The following SPRYD3 variants were observed in gnomAD, a reference collection of about 807,000 sequenced individuals.
The protein encoded by SPRYD3 is SPRY domain containing 3, also known as SPRY domain-containing protein 3.
In SPRYD3, 17 loss-of-function variants were observed where a neutral mutation model predicts 50.1. That is an observed-to-expected ratio of 0.34 (90% CI 0.23 to 0.51). The LOEUF (loss-of-function observed/expected upper bound fraction) is 0.51, where lower values mean the gene tolerates loss of function less well. Among genes scored for constraint, SPRYD3 ranks in the 20% least tolerant of loss-of-function variants. The pLI, the probability that SPRYD3 is intolerant of heterozygous loss-of-function variation, is 0.97. For missense variants in SPRYD3, 401 were observed against 591.2 expected (o/e 0.68, Z 3.34); for synonymous variants, 198 against 215.5 (o/e 0.92, Z 0.71).
In SPRYD3 at chr12:53,074,885, C is replaced by G. The variant is rs890505116; in HGVS notation, c.372-101G>C. The G allele has an allele frequency of 2.0e-6, 3 of 1,488,608 alleles. No individual in the cohort carries two copies. The African/African-American group carries it at 4.1e-5, about 21-fold the overall frequency. 92.2% of individuals were successfully genotyped at this position (1,488,608 alleles called of 1,614,324 possible). A position where few individuals can be genotyped will look rare whatever the true frequency, so the allele number is the denominator to read the frequency against. On this transcript the variant is annotated intron_variant, in intron 4 of 10. Coordinates refer to ENST00000301463, the MANE Select transcript of SPRYD3 (RefSeq NM_032840.3). This position sits in a 1 kb window ranked among gnomAD's most constrained non-coding sequence, Gnocchi z 4.6. The stretch of plus-strand genomic sequence containing the variant: ...TCATCCTCATCTTGCTGCTCCTGGT[C>G]ATTCTGTGATGGTACCCACTTACGT...
chr12:53,074,845 C>G lies in SPRYD3; in HGVS notation c.372-61G>C. On this transcript the variant is annotated intron_variant, in intron 4 of 10. Coordinates refer to ENST00000301463, the MANE Select transcript of SPRYD3 (RefSeq NM_032840.3). This position sits in a 1 kb window ranked among gnomAD's most constrained non-coding sequence, Gnocchi z 4.6. ...CTGGCCTCCCAACTTCTCCCCAGCA[C>G]TGACAGCAGAGGCCTCATCCTCATC... 1 of 1,595,492 alleles carries G rather than the reference C, an allele frequency of 6.3e-7. No homozygotes were observed. The highest frequency in any genetic ancestry group is 8.6e-7 in the Non-Finnish European group (1 of 1,165,594).
At chr12:53,067,781 A>T in intron 7 of SPRYD3, 76 bp from the exon 8 acceptor site, 1 of 1,372,898 alleles carries the variant, frequency 7.3e-7, no homozygotes, top group Non-Finnish European at 1.0e-6. Flanking sequence ...GTAGCATCTG[A>T]ACCTCTGGGA....
At chr12:53,068,734 C>T (rs1944528663) in intron 6 of SPRYD3, among the ~76,000 whole-genome samples, 1 of 152,208 alleles carries the variant, frequency 6.6e-6, no homozygotes, top group South Asian at 2.1e-4. Flanking sequence ...TCTCAGGGGG[C>T]CTAATGGGGA....
intron 1 of SPRYD3, 92 bp from the exon 2 acceptor site, chr12:53,077,353 C>CT: frequency 7.0e-7 from 1 of 1,420,714 alleles, no homozygotes. Context: ...AGGCACTGGC[C>CT]TTGAGGCCAG....
chr12:53,074,908 C>A lies in SPRYD3; in HGVS notation c.372-124G>T. Reference sequence around the variant, plus strand: ...GTCATTCTGTGATGGTACCCACTTACGTCCTGGCGTGAGCATCACCCTCCT... The same window carrying A: ...GTCATTCTGTGATGGTACCCACTTAAGTCCTGGCGTGAGCATCACCCTCCT... On this transcript the variant is annotated intron_variant, in intron 4 of 10. Coordinates refer to ENST00000301463, the MANE Select transcript of SPRYD3 (RefSeq NM_032840.3). This position sits in a 1 kb window ranked among gnomAD's most constrained non-coding sequence, Gnocchi z 4.6. 7.2e-7 allele frequency: 1 copy of A among 1,384,398 alleles called. No homozygotes were observed. Among genetic ancestry groups the A allele is most frequent in the Non-Finnish European group, 1.0e-6 (1 of 990,348 alleles). 85.8% of individuals were successfully genotyped at this position (1,384,398 alleles called of 1,614,324 possible).
At chr12:53,079,232 C>G in intron 1 of SPRYD3, 79 bp downstream of exon 1, 1 of 1,463,234 alleles carries the variant, frequency 6.8e-7, no homozygotes, top group South Asian at 1.2e-5. Flanking sequence ...CCAGAGCCCC[C>G]GCCCAGGACC....
At chr12:53,066,248 C>T in intron 10 of SPRYD3, 66 bp downstream of exon 10, 3 of 1,575,086 alleles carry the variant, frequency 1.9e-6, no homozygotes, top group Non-Finnish European at 2.6e-6. Context: ...GTTCTGTTCC[C>T]CACTAATACC....
rs1944573115 is a variant in SPRYD3 at position 53,074,334 on chromosome 12, C to T, written c.507+315G>A. Reference sequence around the variant, plus strand: ...TACATGGCCAGGCCATAATCTTCCCCTCTCTTTTATCTGCTCAAAACCTTC... The same window carrying T: ...TACATGGCCAGGCCATAATCTTCCCTTCTCTTTTATCTGCTCAAAACCTTC... On this transcript the variant is annotated intron_variant, in intron 5 of 10. Coordinates refer to ENST00000301463, the MANE Select transcript of SPRYD3 (RefSeq NM_032840.3). The surrounding 1 kb of genome is among the most constrained non-coding windows in gnomAD (Gnocchi z 4.6). 6.6e-6 allele frequency among the ~76,000 whole-genome samples: 1 copy of T among 152,228 alleles called. No individual in the cohort carries two copies. The highest frequency in any genetic ancestry group is 2.4e-5 in the African/African-American group (1 of 41,452).
chr12:53,069,487 C>T (rs113208417), intron 6 of SPRYD3, among the ~76,000 whole-genome samples: 2 of 152,030 alleles, frequency 1.3e-5, no homozygotes, highest in Non-Finnish European at 2.9e-5. Context: ...CTCAGACGGC[C>T]GCTGCTTAGC....
chr12:53,079,372 G>A lies in SPRYD3; in HGVS notation c.-39C>T. ...AGCTCCGCACACAAGCTCTTCGGCC[G>A]CCGCCACCACACACATCCGGGTCCC... On this transcript the variant is annotated 5_prime_UTR_variant, in exon 1 of 11. Transcript: ENST00000301463. The A allele has an allele frequency of 6.3e-7, 1 of 1,594,894 alleles. No individual in the cohort carries two copies.
intron 9 of SPRYD3, 28 bp downstream of exon 9, chr12:53,066,545 C>G: frequency 6.2e-7 from 1 of 1,613,950 alleles, no homozygotes; most frequent in Admixed American, 1.7e-5. Context: ...CCCCAAGCAG[C>G]CTGGCTGGCC....
intron 8 of SPRYD3, among the ~76,000 whole-genome samples, chr12:53,067,155 G>A (rs549026736): frequency 4.0e-5 from 6 of 151,252 alleles, no homozygotes; most frequent in Non-Finnish European, 7.4e-5. Flanking sequence ...ATGGGAAGGG[G>A]GCACCAAATA....
chr12:53,066,376 C>T lies in SPRYD3; in HGVS notation c.1132G>A (p.Glu378Lys). Residue 378 changes from glutamate (E) to lysine (K), a missense_variant, in exon 10 of 11, where the codon GAA becomes AAA. Coordinates refer to ENST00000301463, the MANE Select transcript of SPRYD3 (RefSeq NM_032840.3). ...TCCCCATCCTCTTCCTCTTCCTCTT[C>T]CTCCTCTTCCTCTTCCCCTTCCTGG... Reference protein sequence around the residue: ...LHQEGEEEEEEEEEEEDGEEI... With the variant: ...LHQEGEEEEEKEEEEEDGEEI... The T allele has an allele frequency of 6.2e-7, 1 of 1,614,026 alleles. No homozygotes were observed. Among genetic ancestry groups the T allele is most frequent in the Non-Finnish European group, 8.5e-7 (1 of 1,179,896 alleles).
chr12:53,070,277 C>T (rs1356290663), intron 6 of SPRYD3, among the ~76,000 whole-genome samples: 1 of 152,212 alleles, frequency 6.6e-6, no homozygotes, highest in Non-Finnish European at 1.5e-5. Context: ...GATCCACTCT[C>T]CTGCTCCTGG....
In SPRYD3 at chr12:53,068,309, G is replaced by A; in HGVS notation, c.694-5C>T. ...CTTCCCTAAGTACTCCAGCAGCTGT[G>A]GGGGAAGAGCCAGATGGGGGTCAGG... is the stretch of plus-strand genomic sequence containing the variant. On this transcript the variant is annotated splice_polypyrimidine_tract_variant and splice_region_variant and intron_variant, in intron 6 of 10. Transcript: ENST00000301463. 2 of 1,613,630 alleles carry A rather than the reference G, an allele frequency of 1.2e-6. No individual in the cohort carries two copies. The highest frequency in any genetic ancestry group is 1.1e-5 in the South Asian group (1 of 91,084).
intron 7 of SPRYD3, 113 bp from the exon 8 acceptor site, chr12:53,067,818 C>T: frequency 1.0e-6 from 1 of 966,502 alleles, no homozygotes; most frequent in Non-Finnish European, 1.7e-6. Context: ...GAGTGCCAAC[C>T]CTGCACACTC....
chr12:53,073,255 A>AGGCCCCGGGGGGGGGGGGG, intron 6 of SPRYD3, 31 bp downstream of exon 6: 7 of 383,662 alleles, frequency 1.8e-5, no homozygotes, highest in Admixed American at 4.5e-5. Flanking sequence ...CCTCCGACCC[A>AGGCCCCGGGGGGGGGGGGG]GCCCCTCCCA....
intron 1 of SPRYD3, among the ~76,000 whole-genome samples, chr12:53,077,571 T>C (rs898029559): frequency 2.0e-5 from 3 of 152,160 alleles, no homozygotes; most frequent in Non-Finnish European, 4.4e-5. Flanking sequence ...CAGGGTGATA[T>C]GATAAAGAAT....
rs1452528524 is a variant in SPRYD3, at chr12:53,064,371, T to C, written c.*1461A>G. On this transcript the variant is annotated 3_prime_UTR_variant, in exon 11 of 11. Transcript: ENST00000301463. ...AATAATAAAGAATTTCTATAAACTT[T>C]AGCCGAAATTGGAGTCAACACTTAT... 1 of 155,720 alleles carries C rather than the reference T, an allele frequency of 6.4e-6. No homozygotes were observed. Among genetic ancestry groups the C allele is most frequent in the African/African-American group, 2.4e-5 (1 of 41,472 alleles). The allele number at this position is 155,720 out of a possible 1,614,324, so 9.6% of individuals were successfully genotyped here.
Sources: gnomAD v4.1 joint callset for allele counts (sites outside exome capture counted in the v4.1 genomes callset) on GRCh38, gnomAD v4.1.1 for gene constraint, Gnocchi (gnomAD v3.1) non-coding constraint, MANE v1.5 for transcripts, NCBI Gene and HGNC (gene_info 2026-07-23, HGNC 2026-07-21) for gene names.